XDH: variants seen among roughly 807,000 people sequenced by gnomAD.
The protein encoded by XDH is xanthine dehydrogenase/oxidase.
A neutral mutation model predicts 156.1 loss-of-function variants in XDH; 138 were observed. The ratio of observed to expected loss-of-function variants is 0.88; its 90% confidence interval spans 0.77 to 1.02. The LOEUF (loss-of-function observed/expected upper bound fraction) is 1.02, where lower values mean the gene tolerates loss of function less well. Ranked by LOEUF, XDH falls within the 50% of genes least tolerant of loss-of-function variation. The pLI is 0.00. For synonymous variants in XDH, 669 were observed against 625.7 expected (o/e 1.07, Z -1.03); for missense variants, 1,849 against 1,684.9 (o/e 1.10, Z -1.71).
chr2:31,410,605 T>C (rs1037910718), intron 1 of XDH, among the ~76,000 whole-genome samples: 2 of 152,086 alleles, frequency 1.3e-5, no homozygotes, highest in Non-Finnish European at 2.9e-5. Flanking sequence ...ACCCAAAAAC[T>C]GACGTTAAAA....
At chr2:31,413,335 C>A (rs878993652) in intron 1 of XDH, among the ~76,000 whole-genome samples, 1 of 152,146 alleles carries the variant, frequency 6.6e-6, no homozygotes, top group African/African-American at 2.4e-5. Context: ...GATGCAAAAT[C>A]TTACACTTGA....
intron 1 of XDH, among the ~76,000 whole-genome samples, chr2:31,409,726 A>G (rs555723149): frequency 6.6e-6 from 1 of 152,348 alleles, no homozygotes. Context: ...CGAACAAACA[A>G]ATAAACAGAA....
intron 3 of XDH, 121 bp from the exon 4 acceptor site, chr2:31,401,449 G>T: frequency 9.6e-7 from 1 of 1,042,092 alleles, no homozygotes; most frequent in Non-Finnish European, 1.5e-6. Context: ...TCCCATTTAT[G>T]TTCTTGTCTC....
At chr2:31,344,847 A>G (rs1685237742) in intron 30 of XDH, 111 bp from the exon 31 acceptor site, 1 of 1,103,132 alleles carries the variant, frequency 9.1e-7, no homozygotes, top group South Asian at 1.3e-5. Context: ...AACTCATTTT[A>G]CTAGTGACTC....
In XDH at chr2:31,405,894, A is replaced by G; in HGVS notation, c.100+13T>C. On this transcript the variant is annotated intron_variant, in intron 2 of 35. Transcript: ENST00000379416. The stretch of plus-strand genomic sequence containing the variant: ...CCCCCTTCTCCGTCACTCCCACTCC[A>G]AAGTCAGGATACACTTTCTTCTCAG... The G allele has an allele frequency of 1.9e-6, 3 of 1,614,072 alleles. No individual in the cohort carries two copies. The highest frequency in any genetic ancestry group is 2.5e-6 in the Non-Finnish European group (3 of 1,179,972).
chr2:31,368,499 G>A (rs922117993), intron 19 of XDH, 42 bp downstream of exon 19: 6 of 1,611,862 alleles, frequency 3.7e-6, no homozygotes, highest in Admixed American at 3.3e-5. Flanking sequence ...ATCCAGGGAC[G>A]GGGAGCTCAC....
intron 17 of XDH, among the ~76,000 whole-genome samples, chr2:31,371,925 C>G (rs997707193): frequency 1.3e-5 from 2 of 152,224 alleles, no homozygotes; most frequent in Non-Finnish European, 2.9e-5. Flanking sequence ...GCTTGAACAT[C>G]CTGAGGCAGC....
intron 6 of XDH, among the ~76,000 whole-genome samples, chr2:31,395,442 G>A (rs963060828): frequency 6.6e-6 from 1 of 152,132 alleles, no homozygotes; most frequent in African/African-American, 2.4e-5. Flanking sequence ...TTCTTCTGAG[G>A]ACAGGCCTTT....
At chr2:31,402,173 C>T (rs1687078014) in intron 3 of XDH, among the ~76,000 whole-genome samples, 1 of 152,138 alleles carries the variant, frequency 6.6e-6, no homozygotes, top group Non-Finnish European at 1.5e-5. Context: ...AAAAAAAAGC[C>T]TTACGATCAA....
intron 24 of XDH, among the ~76,000 whole-genome samples, chr2:31,354,519 G>A (rs1335311538): frequency 2.0e-5 from 3 of 152,172 alleles, no homozygotes; most frequent in African/African-American, 7.2e-5. Flanking sequence ...GAGATCAATT[G>A]TGAACACACT....
At chr2:31,376,699 T>C (rs576270356) in intron 14 of XDH, among the ~76,000 whole-genome samples, 209 of 149,876 alleles carry the variant, frequency 1.4e-3, no homozygotes, top group Admixed American at 2.7e-3. Flanking sequence ...GTCATAGTAA[T>C]AGCAATAATG....
At position 31,368,641 on chromosome 2, in the gene XDH, A is replaced by G. The variant is rs769036735; in HGVS notation, c.2000T>C (p.Ile667Thr). 1 of 1,614,194 alleles carries G rather than the reference A, an allele frequency of 6.2e-7. No individual in the cohort carries two copies. The highest frequency in any genetic ancestry group is 1.1e-5 in the South Asian group (1 of 91,080). ...GGTGTCAGCAACCACAGCACCAATGATATGCCCAACACAAGTAACCTAGTA... is the reference window on the plus strand; with the variant it reads ...GGTGTCAGCAACCACAGCACCAATGGTATGCCCAACACAAGTAACCTAGTA... Reference protein sequence around the residue: ...AKDKVTCVGHIIGAVVADTPE... With the variant: ...AKDKVTCVGHTIGAVVADTPE... Residue 667 changes from isoleucine (I) to threonine (T), a missense_variant, in exon 19 of 36, where the codon ATC becomes ACC. Transcript: ENST00000379416.
chr2:31,335,910 A>G lies in XDH; in HGVS notation c.*48T>C, dbSNP rs375679688. 1 of 1,601,140 alleles carries G rather than the reference A, an allele frequency of 6.2e-7. No individual in the cohort carries two copies. The highest frequency in any genetic ancestry group is 1.7e-5 in the Admixed American group (1 of 59,982). On this transcript the variant is annotated 3_prime_UTR_variant, in exon 36 of 36. Transcript: ENST00000379416. ...TTCTGTGGTATGTTCCTCCTGCTCC[A>G]TGGAAGCCCAAAGGCAGCACAAGAA...
intron 6 of XDH, among the ~76,000 whole-genome samples, chr2:31,392,558 G>T (rs947728292): frequency 6.6e-6 from 1 of 151,988 alleles, no homozygotes; most frequent in African/African-American, 2.4e-5. Context: ...CTGAGTAGCT[G>T]GGATTACAGG....
Position 31,337,655 on chromosome 2 carries a change from T to C in XDH, c.3937A>G (p.Lys1313Glu), listed in dbSNP as rs141335716. 8.4e-4 allele frequency: 1,359 copies of C among 1,614,152 alleles called. 9 individuals carry two copies. In the African/African-American group the frequency reaches 0.015, roughly 17 times the overall value. The change falls in exon 35 of 36, where the codon AAG (lysine) becomes GAG (glutamate). Residue 1313 changes from lysine (K) to glutamate (E), a missense_variant. By Grantham distance (56) the Lys-to-Glu change is moderately conservative. Coordinates refer to ENST00000379416, the MANE Select transcript of XDH (RefSeq NM_000379.4). ...PEKIRNACVD[K>E]FTTLCVTGVP... ...GGGCATCATACCAGGGTGGTGAACTTGTCCACGCAGGCATTGCGGATCTTC... is the reference window on the plus strand; with the variant it reads ...GGGCATCATACCAGGGTGGTGAACTCGTCCACGCAGGCATTGCGGATCTTC...
Position 31,383,559 on chromosome 2 carries a change from C to T in XDH, c.886+196G>A, listed in dbSNP as rs45462793. Among the ~76,000 whole-genome samples the T allele has an allele frequency of 0.02, 2,975 of 152,010 alleles. 83 individuals carry two copies. The highest frequency in any genetic ancestry group is 0.067 in the African/African-American group (2,772 of 41,426). On this transcript the variant is annotated intron_variant, in intron 10 of 35. Transcript: ENST00000379416. ...TGATTGAAGATCCCGCAGCCTCTTG[C>T]CCACTGGCACCCTACCATGGATGTT...
rs1366812 is a variant in XDH, at chr2:31,347,249, G to C, written c.3276+273C>G. Among the ~76,000 whole-genome samples, 93,034 of 152,126 alleles carry C rather than the reference G, an allele frequency of 0.61. 30,607 individuals are homozygous for C. Among genetic ancestry groups the C allele is most frequent in the East Asian group, 0.77 (3,979 of 5,156 alleles). On this transcript the variant is annotated intron_variant, in intron 29 of 35. Coordinates refer to ENST00000379416, the MANE Select transcript of XDH (RefSeq NM_000379.4). ...TCCTATTGCTAGCTCCAGCACCAGGGAGTAATTCCAGAAGCCTCTGCTTTC... is the reference window on the plus strand; with the variant it reads ...TCCTATTGCTAGCTCCAGCACCAGGCAGTAATTCCAGAAGCCTCTGCTTTC...
Position 31,375,519 on chromosome 2 carries a change from G to A in XDH, c.1463C>T (p.Ala488Val). ...CAGATGCAGCTCCTCTGCCAGTCCTGCACACACGTCCTGCAGCAGCTCCTC... is the reference window on the plus strand; with the variant it reads ...CAGATGCAGCTCCTCTGCCAGTCCTACACACACGTCCTGCAGCAGCTCCTC... ...WKEELLQDVCAGLAEELHLPP... is the reference protein window; with the variant it reads ...WKEELLQDVCVGLAEELHLPP... Residue 488 changes from alanine to valine, a missense_variant, in exon 15 of 36, where the codon GCA (alanine) becomes GTA (valine). By Grantham distance (64) the Ala-to-Val change is moderately conservative. Transcript: ENST00000379416. The A allele has an allele frequency of 6.2e-7, 1 of 1,613,956 alleles. No homozygotes were observed. Among genetic ancestry groups the A allele is most frequent in the Admixed American group, 1.7e-5 (1 of 60,022 alleles).
intron 21 of XDH, 97 bp from the exon 22 acceptor site, chr2:31,366,206 T>G: frequency 6.3e-7 from 1 of 1,594,478 alleles, no homozygotes; most frequent in African/African-American, 1.3e-5. Flanking sequence ...ACCTAATTAC[T>G]GCTGCGAATT....
Sources: allele counts gnomAD v4.1 joint callset (sites outside exome capture counted in the v4.1 genomes callset), GRCh38; gene constraint gnomAD v4.1.1; transcripts MANE v1.5; gene names NCBI Gene and HGNC (gene_info 2026-07-23, HGNC 2026-07-21).